Variants in PRTG observed in about 807,000 individuals in gnomAD.
PRTG encodes protogenin.
In PRTG, 67 loss-of-function variants were observed where a neutral mutation model predicts 122.5. That is an observed-to-expected ratio of 0.55 (90% CI 0.45 to 0.67). The LOEUF is 0.67. Among genes scored for constraint, PRTG ranks in the 30% least tolerant of loss-of-function variants. The pLI is 0.00. For missense variants in PRTG, 1,435 were observed against 1,415.4 expected (o/e 1.01, Z -0.22); for synonymous variants, 554 against 501.1 (o/e 1.11, Z -1.41).
chr15:55,717,052 G>A lies in PRTG; in HGVS notation c.397+23330C>T, dbSNP rs1457167505. On this transcript the variant is annotated intron_variant, in intron 2 of 19. Coordinates refer to ENST00000389286, the MANE Select transcript of PRTG (RefSeq NM_173814.6). ...TTGAGCCACTAATACAAAGGCTTAGGTTACATGACATAGCTGACTAATAGA... is the reference window on the plus strand; with the variant it reads ...TTGAGCCACTAATACAAAGGCTTAGATTACATGACATAGCTGACTAATAGA... 2.6e-5 allele frequency among the ~76,000 whole-genome samples: 4 copies of A among 152,224 alleles called. 1 individual carries two copies. In the South Asian group the frequency reaches 6.2e-4, roughly 24 times the overall value.
At chr15:55,628,051 T>G (rs912225687) in intron 16 of PRTG, among the ~76,000 whole-genome samples, 3 of 152,266 alleles carry the variant, frequency 2.0e-5, no homozygotes, top group Admixed American at 1.3e-4. Context: ...CTACGATGGC[T>G]ACCTCCTTCC....
chr15:55,638,594 A>G lies in PRTG; in HGVS notation c.2407T>C (p.Ser803Pro). The change falls in exon 14 of 20, where the codon TCC becomes CCC. Residue 803 changes from serine (S) to proline (P), a missense_variant. Ser to Pro is a moderately conservative substitution (Grantham distance 74, BLOSUM62 -1). Transcript: ENST00000389286. ...TAGACTACAGGGCTCCAAGGACTGGAAAGCTGATCCACATGTAATCGAACG... is the reference window on the plus strand; with the variant it reads ...TAGACTACAGGGCTCCAAGGACTGGGAAGCTGATCCACATGTAATCGAACG... ...FAVRLHVDQL[S>P]SPWSPVVYHS... 1 of 1,613,738 alleles carries G rather than the reference A, an allele frequency of 6.2e-7. No individual in the cohort carries two copies. The highest frequency in any genetic ancestry group is 8.5e-7 in the Non-Finnish European group (1 of 1,179,682).
At chr15:55,678,607 C>T (rs536404278) in intron 7 of PRTG, among the ~76,000 whole-genome samples, 3 of 152,182 alleles carry the variant, frequency 2.0e-5, no homozygotes, top group Non-Finnish European at 4.4e-5. Flanking sequence ...ACTATGTAAT[C>T]TGTCCTATGA....
chr15:55,634,496 G>T (rs1040742689), intron 15 of PRTG, among the ~76,000 whole-genome samples: 1 of 152,150 alleles, frequency 6.6e-6, no homozygotes, highest in African/African-American at 2.4e-5. Context: ...TAAGTGCTGT[G>T]TCAATAAATC....
chr15:55,705,854 CTT>C (rs33973404), intron 2 of PRTG, among the ~76,000 whole-genome samples: 4 of 125,416 alleles, frequency 3.2e-5, no homozygotes, highest in Non-Finnish European at 1.6e-5. Flanking sequence ...ACTTGCTATT[CTT>C]TTTTTTTTTT....
In PRTG at chr15:55,618,159, T is replaced by G. The variant is rs1214868683; in HGVS notation, c.*1853A>C. The G allele has an allele frequency of 6.6e-6, 1 of 152,234 alleles. No individual in the cohort carries two copies. Among genetic ancestry groups the G allele is most frequent in the Admixed American group, 6.5e-5 (1 of 15,278 alleles). 9.4% of individuals were successfully genotyped at this position (152,234 alleles called of 1,614,324 possible). Reference sequence around the variant, plus strand: ...ATAACTAACTGGGGGACTCTGAGTTTAGTTCAGAAGTGGTTGCTGGCATTG... The same window carrying G: ...ATAACTAACTGGGGGACTCTGAGTTGAGTTCAGAAGTGGTTGCTGGCATTG... On this transcript the variant is annotated 3_prime_UTR_variant, in exon 20 of 20. Transcript: ENST00000389286.
chr15:55,709,201 T>C (rs1442695919), intron 2 of PRTG, among the ~76,000 whole-genome samples: 3 of 94,600 alleles, frequency 3.2e-5, no homozygotes, highest in Admixed American at 1.1e-4. Context: ...TAAAGCCCTA[T>C]GGGACCCTTT....
At chr15:55,674,598 C>T (rs918757228) in intron 9 of PRTG, among the ~76,000 whole-genome samples, 3 of 152,082 alleles carry the variant, frequency 2.0e-5, no homozygotes, top group East Asian at 1.9e-4. Context: ...ATTCATTAAC[C>T]ACATAAGTGA....
chr15:55,700,686 T>G (rs1428696560), intron 2 of PRTG, among the ~76,000 whole-genome samples: 1 of 151,752 alleles, frequency 6.6e-6, no homozygotes, highest in East Asian at 1.9e-4. Flanking sequence ...GAGGCCGGAG[T>G]AGGAGGATCA....
intron 2 of PRTG, 68 bp from the exon 3 acceptor site, chr15:55,683,999 T>A (rs2059556488): frequency 7.6e-7 from 1 of 1,309,194 alleles, no homozygotes; most frequent in Non-Finnish European, 1.1e-6. Flanking sequence ...AACATTACAC[T>A]AGATATTACT....
intron 2 of PRTG, among the ~76,000 whole-genome samples, chr15:55,706,807 G>C (rs2030145207): frequency 6.6e-6 from 1 of 152,008 alleles, no homozygotes; most frequent in Non-Finnish European, 1.5e-5. Flanking sequence ...AGGCAGGGTA[G>C]AGACACAGAG....
rs1241931230 is a variant in PRTG at position 55,720,988 on chromosome 15, C to G, written c.397+19394G>C. On this transcript the variant is annotated intron_variant, in intron 2 of 19. Transcript: ENST00000389286. ...CTAGACATCCCACAGTCACCGAAAA[C>G]TACGTTTTTCCCAGCCAAATTCATT... 3.3e-5 allele frequency among the ~76,000 whole-genome samples: 5 copies of G among 152,026 alleles called. 1 individual carries two copies. Among genetic ancestry groups the G allele is most frequent in the Admixed American group, 3.3e-4 (5 of 15,268 alleles).
intron 2 of PRTG, among the ~76,000 whole-genome samples, chr15:55,731,498 G>A (rs549274442): frequency 2.7e-5 from 4 of 150,558 alleles, no homozygotes; most frequent in Admixed American, 6.7e-5. Flanking sequence ...AGCCTCCCGA[G>A]TAGCTGGGAT....
chr15:55,686,510 T>G (rs1409170913), intron 2 of PRTG, among the ~76,000 whole-genome samples: 2 of 152,164 alleles, frequency 1.3e-5, no homozygotes, highest in Non-Finnish European at 2.9e-5. Flanking sequence ...ATGTTTTATC[T>G]CATTTATTCC....
At chr15:55,711,863 C>A (rs1279929686) in intron 2 of PRTG, among the ~76,000 whole-genome samples, 1 of 152,160 alleles carries the variant, frequency 6.6e-6, no homozygotes, top group Non-Finnish European at 1.5e-5. Context: ...CTAACTAACA[C>A]AATCTCTCTT....
At chr15:55,684,418 A>G (rs561039897) in intron 2 of PRTG, among the ~76,000 whole-genome samples, 1 of 152,308 alleles carries the variant, frequency 6.6e-6, no homozygotes, top group South Asian at 2.1e-4. Context: ...TGAAAAGAAT[A>G]ACATGAAGAC....
intron 11 of PRTG, among the ~76,000 whole-genome samples, chr15:55,669,519 G>A (rs957810477): frequency 4.6e-5 from 7 of 152,108 alleles, no homozygotes; most frequent in African/African-American, 1.7e-4. Flanking sequence ...CCCAATATTC[G>A]AAAGTAAGAA....
chr15:55,711,126 TAGTC>T lies in PRTG; in HGVS notation c.398-27199_398-27196del, dbSNP rs544951535. Among the ~76,000 whole-genome samples, 125 of 150,898 alleles carry T rather than the reference TAGTC, an allele frequency of 8.3e-4. 1 individual carries two copies. Among genetic ancestry groups the T allele is most frequent in the African/African-American group, 3.0e-3 (122 of 40,946 alleles). On this transcript the variant is annotated intron_variant, in intron 2 of 19. Transcript: ENST00000389286. ...TAGCAGAGATGAGGTTTCACCATGT[TAGTC>T]AGGCTGGTCTCGAACTCCTGACCTC...
intron 15 of PRTG, among the ~76,000 whole-genome samples, chr15:55,635,095 G>GTGTGTGTGTA (rs2059250338): frequency 6.7e-6 from 1 of 149,278 alleles, no homozygotes; most frequent in South Asian, 2.1e-4. Flanking sequence ...GTGTGTGTGT[G>GTGTGTGTGTA]TGTGTGTGTT....
Sources: allele counts gnomAD v4.1 joint callset (sites outside exome capture counted in the v4.1 genomes callset), GRCh38; gene constraint gnomAD v4.1.1; transcripts MANE v1.5; gene names NCBI Gene and HGNC (gene_info 2026-07-23, HGNC 2026-07-21).